Variants in PDE4D observed in about 807,000 individuals in gnomAD.
PDE4D encodes the protein phosphodiesterase 4D, also known as 3',5'-cyclic-AMP phosphodiesterase 4D.
A neutral mutation model predicts 87.4 loss-of-function variants in PDE4D; 24 were observed. The observed-to-expected ratio is 0.27, with a 90% CI of 0.20 to 0.39. PDE4D has a LOEUF of 0.39. PDE4D is among the 10% of genes least tolerant of loss of function. The probability of loss-of-function intolerance (pLI) is 1.00; values close to 1 mark genes in which losing one functional copy is unlikely to be tolerated. For missense variants in PDE4D, 714 were observed against 1,041.0 expected (o/e 0.69, Z 4.32); for synonymous variants, 384 against 383.2 (o/e 1.00, Z -0.02).
chr5:59,452,636 C>G (rs1018425331), intron 1 of PDE4D, among the ~76,000 whole-genome samples: 4 of 152,168 alleles, frequency 2.6e-5, no homozygotes, highest in Admixed American at 2.6e-4. Flanking sequence ...AAATGTCCAC[C>G]AGTGCCTCCA....
intron 1 of PDE4D, among the ~76,000 whole-genome samples, chr5:59,838,140 G>A (rs944197932): frequency 6.6e-6 from 1 of 152,002 alleles, no homozygotes; most frequent in African/African-American, 2.4e-5. Context: ...CAAAAAAGTG[G>A]AGTTGTTCTG....
chr5:59,704,213 G>A (rs769188846), intron 1 of PDE4D, among the ~76,000 whole-genome samples: 6 of 152,064 alleles, frequency 3.9e-5, no homozygotes, highest in South Asian at 2.1e-4. Flanking sequence ...CTAACCCGTC[G>A]TATTTAACAA....
At chr5:59,664,394 G>T (rs1477621014) in intron 1 of PDE4D, among the ~76,000 whole-genome samples, 1 of 152,118 alleles carries the variant, frequency 6.6e-6, no homozygotes, top group Non-Finnish European at 1.5e-5. Flanking sequence ...TTAATATTTT[G>T]ACAAGTATAT....
chr5:59,872,287 ACACACACACACAC>A (rs1325010745), intron 1 of PDE4D, among the ~76,000 whole-genome samples: 18 of 140,298 alleles, frequency 1.3e-4, no homozygotes, highest in African/African-American at 5.1e-4. Flanking sequence ...ACACACACAC[ACACACACACACAC>A]AAGAGCACAC....
At chr5:60,336,725 T>C (rs1351381135) in intron 1 of PDE4D, among the ~76,000 whole-genome samples, 1 of 152,204 alleles carries the variant, frequency 6.6e-6, no homozygotes. Context: ...ATCCATGGTC[T>C]CTTCTTGCAG....
At chr5:59,709,730 T>C (rs574712411) in intron 1 of PDE4D, among the ~76,000 whole-genome samples, 5 of 152,168 alleles carry the variant, frequency 3.3e-5, no homozygotes, top group Admixed American at 3.3e-4. Context: ...CCAAAGGGAG[T>C]AGACGATTTG....
At chr5:59,263,762 C>A (rs905545982) in intron 1 of PDE4D, among the ~76,000 whole-genome samples, 6 of 151,730 alleles carry the variant, frequency 4.0e-5, no homozygotes, top group Non-Finnish European at 7.4e-5. Context: ...ATATAAAATT[C>A]AAAAGCAGGA....
intron 1 of PDE4D, among the ~76,000 whole-genome samples, chr5:59,759,915 A>G (rs1257880876): frequency 6.6e-6 from 1 of 152,212 alleles, no homozygotes; most frequent in Non-Finnish European, 1.5e-5. Flanking sequence ...AGAAAAGATA[A>G]CCTTAAAGCT....
intron 1 of PDE4D, among the ~76,000 whole-genome samples, chr5:59,712,703 T>C (rs2150515464): frequency 6.6e-6 from 1 of 151,790 alleles, no homozygotes; most frequent in Admixed American, 6.6e-5. Flanking sequence ...TAAGTTTAAT[T>C]TGCAAAACAC....
chr5:59,287,710 G>C (rs1229967547), intron 1 of PDE4D, among the ~76,000 whole-genome samples: 1 of 143,676 alleles, frequency 7.0e-6, no homozygotes, highest in East Asian at 2.6e-4. Flanking sequence ...AGGAAACAGA[G>C]ACACACACAG....
At chr5:60,132,889 G>A (rs1779707789) in intron 2 of PDE4D, among the ~76,000 whole-genome samples, 1 of 152,086 alleles carries the variant, frequency 6.6e-6, no homozygotes, top group African/African-American at 2.4e-5. Flanking sequence ...TAAATTTTGT[G>A]TTCATTGTGA....
chr5:59,469,880 T>C (rs909936764), intron 1 of PDE4D, among the ~76,000 whole-genome samples: 1 of 152,044 alleles, frequency 6.6e-6, no homozygotes, highest in Non-Finnish European at 1.5e-5. Flanking sequence ...CAAAAAGGCA[T>C]TGCACCACAA....
chr5:59,037,513 T>C (rs1948651), intron 6 of PDE4D, among the ~76,000 whole-genome samples: 85,982 of 151,982 alleles, frequency 0.57, 24,650 homozygotes, highest in East Asian at 0.85. Flanking sequence ...TGCCTAATGC[T>C]ACAGCAGGGG....
intron 2 of PDE4D, among the ~76,000 whole-genome samples, chr5:60,048,422 C>T (rs776795033): frequency 6.6e-6 from 1 of 151,472 alleles, no homozygotes; most frequent in Non-Finnish European, 1.5e-5. Flanking sequence ...TGTTAGCTGG[C>T]TATTTTGCTC....
chr5:59,003,165 C>G (rs1454230471), intron 6 of PDE4D, among the ~76,000 whole-genome samples: 2 of 152,186 alleles, frequency 1.3e-5, no homozygotes, highest in Non-Finnish European at 2.9e-5. Context: ...ATATTGACCT[C>G]TACTGCCAGA....
chr5:59,131,733 A>T (rs541530868), intron 5 of PDE4D, among the ~76,000 whole-genome samples: 2 of 152,258 alleles, frequency 1.3e-5, no homozygotes, highest in African/African-American at 4.8e-5. Flanking sequence ...GAATGTGGAA[A>T]ATAAATGTCA....
At chr5:59,696,374 A>G (rs62370496) in intron 1 of PDE4D, among the ~76,000 whole-genome samples, 7,124 of 152,276 alleles carry the variant, frequency 0.047, 186 homozygotes, top group South Asian at 0.061. Context: ...GGATACATCA[A>G]TGACTACACA....
chr5:59,830,305 G>A (rs958250106), intron 1 of PDE4D, among the ~76,000 whole-genome samples: 12 of 148,342 alleles, frequency 8.1e-5, no homozygotes, highest in Admixed American at 2.7e-4. Flanking sequence ...GATTAATACC[G>A]CTTGAGTTTT....
At chr5:59,626,078 A>G (rs566629596) in intron 1 of PDE4D, among the ~76,000 whole-genome samples, 1 of 152,198 alleles carries the variant, frequency 6.6e-6, no homozygotes, top group East Asian at 1.9e-4. Flanking sequence ...AAAGAGTGAG[A>G]CTCCGTCTCA....
Sources: gnomAD v4.1 joint callset for allele counts (sites outside exome capture counted in the v4.1 genomes callset) on GRCh38, gnomAD v4.1.1 for gene constraint, MANE v1.5 for transcripts, NCBI Gene and HGNC (gene_info 2026-07-23, HGNC 2026-07-21) for gene names.